The following DIP2B variants were observed in gnomAD, a reference collection of about 807,000 sequenced individuals.
DIP2B encodes DIP2 acetate--CoA ligase B (putative), also known as disco-interacting protein 2 homolog B.
DIP2B carries 76 observed loss-of-function variants against 198.0 expected under a neutral mutation model. That is an observed-to-expected ratio of 0.38 (90% CI 0.32 to 0.46). The LOEUF (loss-of-function observed/expected upper bound fraction) is 0.46, where lower values mean the gene tolerates loss of function less well. Ranked by LOEUF, DIP2B falls within the 20% of genes least tolerant of loss-of-function variation. The pLI is 0.99. For missense variants in DIP2B, 1,559 were observed against 1,978.4 expected, an observed-to-expected ratio of 0.79 and a Z score of 4.02; for synonymous variants, 701 against 739.1, an observed-to-expected ratio of 0.95 and a Z score of 0.84.
Position 50,732,490 on chromosome 12 carries a change from T to G in DIP2B, c.3935T>G (p.Val1312Gly). The change falls in exon 32 of 38, where the codon GTC becomes GGC. Residue 1312 changes from valine (V) to glycine (G), a missense_variant. Val to Gly is a moderately radical substitution (Grantham distance 109). Transcript: ENST00000301180. ...GACATCGGGCTGTCCCCGCGGGCTG[T>G]CAGCACCACTTTTGGATCAAGAGTC... ...FKDIGLSPRA[V>G]STTFGSRVNV... 6.2e-7 allele frequency: 1 copy of G among 1,614,252 alleles called. No individual in the cohort carries two copies. Among genetic ancestry groups the G allele is most frequent in the Non-Finnish European group, 8.5e-7 (1 of 1,180,042 alleles).
intron 23 of DIP2B, among the ~76,000 whole-genome samples, chr12:50,716,514 C>T (rs1270314164): frequency 6.6e-6 from 1 of 151,554 alleles, no homozygotes; most frequent in Admixed American, 6.6e-5. Context: ...GGCGACTGAG[C>T]GAGACTCTGT....
rs200418128 is a variant in DIP2B, at chr12:50,560,409, AG to A, written c.100+55170del. The stretch of plus-strand genomic sequence containing the variant: ...AGACTCCATCTCCAAAAAAAAAAAA[AG>A]CAAAAAACTTAGCTGGGCGTGGTGG... On this transcript the variant is annotated intron_variant, in intron 1 of 37. Coordinates refer to ENST00000301180, the MANE Select transcript of DIP2B (RefSeq NM_173602.3). Among the ~76,000 whole-genome samples, 88 of 144,888 alleles carry A rather than the reference AG, an allele frequency of 6.1e-4. 2 individuals are homozygous for A. Among genetic ancestry groups the A allele is most frequent in the Non-Finnish European group, 6.7e-4 (44 of 65,272 alleles).
At position 50,732,482 on chromosome 12, in the gene DIP2B, G is replaced by A. The variant is rs761478498; in HGVS notation, c.3927G>A (p.Pro1309=). ...SKLFKDIGLS[P]RAVSTTFGSR... ...TCTTCAAAGACATCGGGCTGTCCCC[G>A]CGGGCTGTCAGCACCACTTTTGGAT... The change falls in exon 32 of 38, where the codon CCG becomes CCA. Residue 1309 remains proline, a synonymous_variant. Transcript: ENST00000301180. The A allele has an allele frequency of 9.3e-6, 15 of 1,614,064 alleles. No individual in the cohort carries two copies. Among genetic ancestry groups the A allele is most frequent in the Admixed American group, 1.7e-5 (1 of 60,012 alleles).
intron 1 of DIP2B, among the ~76,000 whole-genome samples, chr12:50,562,483 C>T (rs10876058): frequency 0.27 from 41,470 of 151,782 alleles, 5,995 homozygotes; most frequent in East Asian, 0.39. Context: ...GCCTGCATTC[C>T]TAGCACTTTG....
chr12:50,700,600 C>T (rs920810261), intron 19 of DIP2B, among the ~76,000 whole-genome samples: 1 of 152,142 alleles, frequency 6.6e-6, no homozygotes, highest in Non-Finnish European at 1.5e-5. Flanking sequence ...GATGTGGTAC[C>T]TGAAAAGGGC....
chr12:50,540,061 T>G (rs1029834769), intron 1 of DIP2B, among the ~76,000 whole-genome samples: 1 of 75,878 alleles, frequency 1.3e-5, no homozygotes, highest in African/African-American at 4.0e-5. Context: ...GTGTTTTTTT[T>G]TTTTTTTTTT....
At chr12:50,706,513 A>G in intron 20 of DIP2B, 25 bp from the exon 21 acceptor site, 4 of 1,611,020 alleles carry the variant, frequency 2.5e-6, no homozygotes, top group Non-Finnish European at 3.4e-6. Flanking sequence ...CATGGAAATC[A>G]AGGTAAATCA....
intron 1 of DIP2B, among the ~76,000 whole-genome samples, chr12:50,604,555 T>C (rs1228678248): frequency 1.3e-5 from 2 of 152,150 alleles, no homozygotes; most frequent in African/African-American, 4.8e-5. Context: ...CCTCCCAGGC[T>C]CAAGCGGTCC....
At chr12:50,604,072 G>A (rs142691938) in intron 1 of DIP2B, among the ~76,000 whole-genome samples, 5 of 151,348 alleles carry the variant, frequency 3.3e-5, no homozygotes, top group East Asian at 2.0e-4. Flanking sequence ...TGGATTGTAC[G>A]CTCCTAGATA....
intron 1 of DIP2B, among the ~76,000 whole-genome samples, chr12:50,608,496 C>T (rs1235452728): frequency 1.3e-5 from 2 of 151,562 alleles, no homozygotes; most frequent in Non-Finnish European, 2.9e-5. Context: ...CGTGGTGGTG[C>T]GTGGCTGTAG....
At position 50,660,936 on chromosome 12, in the gene DIP2B, A is replaced by G. The variant is rs542956510; in HGVS notation, c.427+617A>G. Among the ~76,000 whole-genome samples, 8 of 152,264 alleles carry G rather than the reference A, an allele frequency of 5.3e-5. No individual in the cohort carries two copies. In the East Asian group the frequency reaches 9.7e-4, roughly 18 times the overall value. On this transcript the variant is annotated intron_variant, in intron 4 of 37. Coordinates refer to ENST00000301180, the MANE Select transcript of DIP2B (RefSeq NM_173602.3). ...GTCATGAGATCAGTGAGAACTAGGT[A>G]TCTTCATCCCATCCCTGTTCACCAG...
chr12:50,640,046 CT>C (rs560845946), intron 2 of DIP2B, among the ~76,000 whole-genome samples: 39 of 152,240 alleles, frequency 2.6e-4, no homozygotes, highest in African/African-American at 9.2e-4. Context: ...ATTAATACTA[CT>C]GTATTTTACA....
chr12:50,559,745 A>AC (rs1555184070), intron 1 of DIP2B, among the ~76,000 whole-genome samples: 2 of 150,984 alleles, frequency 1.3e-5, no homozygotes, highest in African/African-American at 2.4e-5. Flanking sequence ...ACACACACAC[A>AC]ATTTCTAGTA....
chr12:50,563,569 T>C (rs1326169576), intron 1 of DIP2B, among the ~76,000 whole-genome samples: 1 of 149,354 alleles, frequency 6.7e-6, no homozygotes, highest in Non-Finnish European at 1.5e-5. Flanking sequence ...TAGCTCGCTC[T>C]AGCCTCCAAC....
chr12:50,650,412 T>C (rs1261277889), intron 3 of DIP2B, among the ~76,000 whole-genome samples: 1 of 152,186 alleles, frequency 6.6e-6, no homozygotes, highest in African/African-American at 2.4e-5. Context: ...GTACAGTAGA[T>C]CTCTAGAACT....
intron 13 of DIP2B, among the ~76,000 whole-genome samples, chr12:50,692,343 T>C (rs1382635415): frequency 1.3e-5 from 2 of 152,046 alleles, no homozygotes; most frequent in African/African-American, 4.8e-5. Context: ...AATTTATATT[T>C]GTCAAACTTC....
rs184083034 is a variant in DIP2B at position 50,569,112 on chromosome 12, A to C, written c.101-56864A>C. The stretch of plus-strand genomic sequence containing the variant: ...TTGTCTTTTTTTTTTTTTTCACCAC[A>C]GCTCTTTTTAATGCATGGGAATTTG... On this transcript the variant is annotated intron_variant, in intron 1 of 37. Coordinates refer to ENST00000301180, the MANE Select transcript of DIP2B (RefSeq NM_173602.3). Among the ~76,000 whole-genome samples the C allele has an allele frequency of 3.0e-3, 445 of 146,384 alleles. 1 individual carries two copies. The highest frequency in any genetic ancestry group is 5.2e-3 in the Non-Finnish European group (345 of 66,970).
chr12:50,510,607 C>T (rs889681964), intron 1 of DIP2B, among the ~76,000 whole-genome samples: 2 of 151,512 alleles, frequency 1.3e-5, no homozygotes, highest in African/African-American at 4.9e-5. Context: ...CTTATATGCA[C>T]AGTTTCTCGC....
chr12:50,523,299 C>T (rs1198442141), intron 1 of DIP2B, among the ~76,000 whole-genome samples: 1 of 151,978 alleles, frequency 6.6e-6, no homozygotes, highest in African/African-American at 2.4e-5. Context: ...AGTGAAAATA[C>T]TATGTCAATA....
Sources: gnomAD v4.1 joint callset for allele counts (sites outside exome capture counted in the v4.1 genomes callset) on GRCh38, gnomAD v4.1.1 for gene constraint, MANE v1.5 for transcripts, NCBI Gene and HGNC (gene_info 2026-07-23, HGNC 2026-07-21) for gene names.